The following SLC35F1 variants were observed in gnomAD, a reference collection of about 807,000 sequenced individuals.
The protein encoded by SLC35F1 is chromosome 6 open reading frame 169.
Under a neutral mutation model 48.7 loss-of-function variants are expected in SLC35F1, and 14 were observed. That is an observed-to-expected ratio of 0.29 (90% CI 0.19 to 0.45). The LOEUF is 0.45. Ranked by LOEUF, SLC35F1 falls within the 20% of genes least tolerant of loss-of-function variation. SLC35F1 has a pLI of 1.00. For missense variants in SLC35F1, 404 were observed against 500.0 expected, an observed-to-expected ratio of 0.81 and a Z score of 1.83; for synonymous variants, 190 against 202.2, an observed-to-expected ratio of 0.94 and a Z score of 0.51.
At chr6:118,161,724 G>GATGCTTCATGGGAATT (rs1000338297) in intron 2 of SLC35F1, among the ~76,000 whole-genome samples, 1 of 152,206 alleles carries the variant, frequency 6.6e-6, no homozygotes, top group Non-Finnish European at 1.5e-5. Context: ...ATCTTTGGTA[G>GATGCTTCATGGGAATT]ATGCTTCATG....
chr6:117,985,786 A>C (rs1272180131), intron 1 of SLC35F1, among the ~76,000 whole-genome samples: 1 of 152,258 alleles, frequency 6.6e-6, no homozygotes, highest in Non-Finnish European at 1.5e-5. Flanking sequence ...ATGTATCTTT[A>C]AATTTATAGA....
At chr6:118,191,339 A>C (rs1410145837) in intron 2 of SLC35F1, among the ~76,000 whole-genome samples, 1 of 152,194 alleles carries the variant, frequency 6.6e-6, no homozygotes, top group East Asian at 1.9e-4. Flanking sequence ...CCATAAGTGC[A>C]CACAACAGAC....
chr6:118,253,034 T>A (rs991905203), intron 3 of SLC35F1, among the ~76,000 whole-genome samples: 8 of 152,152 alleles, frequency 5.3e-5, no homozygotes, highest in Admixed American at 4.6e-4. Flanking sequence ...GGTGGTTATA[T>A]GGCTGTGGAG....
chr6:118,264,624 G>A (rs1413576942), intron 3 of SLC35F1, among the ~76,000 whole-genome samples: 2 of 152,194 alleles, frequency 1.3e-5, no homozygotes, highest in Non-Finnish European at 2.9e-5. Flanking sequence ...TTGGACCATG[G>A]CCTAGCTTGC....
chr6:118,079,832 C>T (rs973456546), intron 1 of SLC35F1, among the ~76,000 whole-genome samples: 1 of 152,152 alleles, frequency 6.6e-6, no homozygotes, highest in African/African-American at 2.4e-5. Flanking sequence ...GCTGAGACAC[C>T]TCTGACCGCT....
At chr6:118,015,155 C>A (rs1039720700) in intron 1 of SLC35F1, among the ~76,000 whole-genome samples, 3 of 152,144 alleles carry the variant, frequency 2.0e-5, no homozygotes, top group African/African-American at 7.2e-5. Context: ...TGAGGCCTCC[C>A]AGCCATGTGG....
Position 117,923,651 on chromosome 6 carries a change from G to GTATATGTACATATA in SLC35F1, c.173+15754_173+15755insTATGTACATATATA, listed in dbSNP as rs1554216680. Among the ~76,000 whole-genome samples the GTATATGTACATATA allele has an allele frequency of 2.4e-3, 42 of 17,504 alleles. 3 individuals carry two copies. The highest frequency in any genetic ancestry group is 3.2e-3 in the Non-Finnish European group (38 of 11,786). The allele number at this position is 17,504 out of a possible 152,430, so 11.5% of individuals were successfully genotyped here. A position where few individuals can be genotyped will look rare whatever the true frequency, so the allele number is the denominator to read the frequency against. On this transcript the variant is annotated intron_variant, in intron 1 of 7. Coordinates refer to ENST00000360388, the MANE Select transcript of SLC35F1 (RefSeq NM_001029858.4). ...TACATATATGTACATATGTACATAT[G>GTATATGTACATATA]TACATATGTATATATACATATATGT...
At chr6:118,091,756 A>G (rs1182779810) in intron 1 of SLC35F1, among the ~76,000 whole-genome samples, 1 of 152,214 alleles carries the variant, frequency 6.6e-6, no homozygotes, top group Non-Finnish European at 1.5e-5. Flanking sequence ...AAGATGTGGG[A>G]AAGTTTGGAA....
intron 3 of SLC35F1, among the ~76,000 whole-genome samples, chr6:118,255,646 T>C (rs1314614858): frequency 6.6e-6 from 1 of 152,200 alleles, no homozygotes; most frequent in East Asian, 1.9e-4. Context: ...GTGAATAAAC[T>C]TGAGCAACTA....
chr6:118,279,245 C>CATGT (rs1346946425), intron 6 of SLC35F1, among the ~76,000 whole-genome samples: 2 of 152,164 alleles, frequency 1.3e-5, no homozygotes, highest in Admixed American at 1.3e-4. Context: ...ACATTGCATG[C>CATGT]ATGTATCAAA....
intron 7 of SLC35F1, among the ~76,000 whole-genome samples, chr6:118,290,293 T>C (rs1776104823): frequency 6.6e-6 from 1 of 152,142 alleles, no homozygotes; most frequent in Non-Finnish European, 1.5e-5. Flanking sequence ...TTAAAATAAT[T>C]AGAGAATTCT....
intron 7 of SLC35F1, among the ~76,000 whole-genome samples, chr6:118,303,675 C>T (rs946042908): frequency 1.3e-5 from 2 of 152,216 alleles, no homozygotes; most frequent in Admixed American, 1.3e-4. Flanking sequence ...CAGTAGACTA[C>T]AGCTTTGTTT....
chr6:118,297,641 A>ATATATATATAT (rs200280817), intron 7 of SLC35F1, among the ~76,000 whole-genome samples: 19 of 86,972 alleles, frequency 2.2e-4, no homozygotes, highest in Admixed American at 1.2e-3. Context: ...TATATATAAA[A>ATATATATATAT]AATATATATA....
intron 2 of SLC35F1, among the ~76,000 whole-genome samples, chr6:118,162,948 G>T (rs561792874): frequency 2.9e-4 from 43 of 150,618 alleles, no homozygotes; most frequent in African/African-American, 1.0e-3. Context: ...TAATGTGTAT[G>T]AATCTTTTCT....
chr6:118,107,635 C>T (rs552940788), intron 1 of SLC35F1, among the ~76,000 whole-genome samples: 2 of 152,044 alleles, frequency 1.3e-5, no homozygotes, highest in Non-Finnish European at 2.9e-5. Context: ...GGAGATTAGA[C>T]AATTTTTTCA....
chr6:118,285,048 C>T, intron 6 of SLC35F1, 136 bp from the exon 7 acceptor site: 3 of 829,918 alleles, frequency 3.6e-6, no homozygotes, highest in Admixed American at 2.4e-5. Flanking sequence ...TAATAAACAT[C>T]AGTGAATAGG....
chr6:117,923,729 A>ATATGTACATATATGTATATATACATG, intron 1 of SLC35F1, among the ~76,000 whole-genome samples: 1 of 89,970 alleles, frequency 1.1e-5, no homozygotes, highest in Admixed American at 1.4e-4. Context: ...ATATATACAT[A>ATATGTACATATATGTATATATACATG]TGTATATATA....
intron 2 of SLC35F1, among the ~76,000 whole-genome samples, chr6:118,195,761 A>T (rs1458012000): frequency 1.3e-5 from 2 of 152,144 alleles, no homozygotes; most frequent in Non-Finnish European, 2.9e-5. Context: ...AAATTTGTTC[A>T]AAGAAACTCA....
At position 118,119,492 on chromosome 6, in the gene SLC35F1, G is replaced by GC. The variant is rs564384163; in HGVS notation, c.174-34952dup. ...TTTTTACATGATGCAGTAATAACCG[G>GC]CGCCCCCCCTCCACCCCGCTTTTTT... On this transcript the variant is annotated intron_variant, in intron 1 of 7. Coordinates refer to ENST00000360388, the MANE Select transcript of SLC35F1 (RefSeq NM_001029858.4). Among the ~76,000 whole-genome samples the GC allele has an allele frequency of 3.0e-3, 61 of 20,660 alleles. 1 individual carries two copies. The highest frequency in any genetic ancestry group is 5.9e-3 in the Non-Finnish European group (31 of 5,244). The allele number at this position is 20,660 out of a possible 152,430, so 13.6% of individuals were successfully genotyped here.
Sources: allele counts gnomAD v4.1 joint callset (sites outside exome capture counted in the v4.1 genomes callset), GRCh38; gene constraint gnomAD v4.1.1; transcripts MANE v1.5; gene names NCBI Gene and HGNC (gene_info 2026-07-23, HGNC 2026-07-21).